The following NOC3L variants were observed in gnomAD, a reference collection of about 807,000 sequenced individuals.
NOC3L encodes nucleolar complex protein 3 homolog.
Under a neutral mutation model 102.5 loss-of-function variants are expected in NOC3L, and 85 were observed. That is an observed-to-expected ratio of 0.83 (90% CI 0.70 to 0.99). The LOEUF (loss-of-function observed/expected upper bound fraction) is 0.99. Ranked by LOEUF, NOC3L falls within the 50% of genes least tolerant of loss-of-function variation. NOC3L has a pLI of 0.00. For synonymous variants in NOC3L, 303 were observed against 309.4 expected, an observed-to-expected ratio of 0.98 and a Z score of 0.22; for missense variants, 878 against 914.9, an observed-to-expected ratio of 0.96 and a Z score of 0.52.
chr10:94,349,703 A>G (rs2134000089), intron 9 of NOC3L, among the ~76,000 whole-genome samples: 1 of 115,584 alleles, frequency 8.7e-6, no homozygotes, highest in Middle Eastern at 3.8e-3. Context: ...AAATAACTTC[A>G]GAAGAATTTT....
chr10:94,325,036 G>GT, the NOC3L span: 3 of 1,614,078 alleles, frequency 1.9e-6, no homozygotes, highest in South Asian at 3.3e-5. Flanking sequence ...GGAGAAACCT[G>GT]TGGGTGGCTT....
At position 94,355,032 on chromosome 10, in the gene NOC3L, CTTCT is replaced by C; in HGVS notation, c.623_626del (p.Lys208ArgfsTer28). ...TATGCATCTTCTTCTCCTGTAATTT[CTTCT>C]TTCTCTCAATCAAATGTTCTTCTAT... On this transcript the variant is annotated frameshift_variant, in exon 6 of 21. Transcript: ENST00000371361. LOFTEE classifies it high-confidence loss of function. 6.2e-7 allele frequency: 1 copy of C among 1,612,968 alleles called. No individual in the cohort carries two copies. The highest frequency in any genetic ancestry group is 8.5e-7 in the Non-Finnish European group (1 of 1,179,474).
chr10:94,346,536 G>A lies in NOC3L; in HGVS notation c.1278C>T (p.Cys426=). ...VRPEMLKTFL[C]LRIKEVEVKK... ...TCACTTCTACTTCCTTGATTCTTAG[G>A]CATAAAAATGTTTTTAACATCTAAT... Residue 426 remains cysteine, a synonymous_variant, in exon 11 of 21, where the codon TGC becomes TGT. Transcript: ENST00000371361. 3 of 1,398,786 alleles carry A rather than the reference G, an allele frequency of 2.1e-6. No individual in the cohort carries two copies. Among genetic ancestry groups the A allele is most frequent in the Middle Eastern group, 3.9e-4 (2 of 5,076 alleles). 86.6% of individuals were successfully genotyped at this position (1,398,786 alleles called of 1,614,324 possible).
Position 94,339,786 on chromosome 10 carries a change from GA to G in NOC3L, c.1914del (p.Pro639GlnfsTer8), listed in dbSNP as rs774429129. On this transcript the variant is annotated frameshift_variant, in exon 17 of 21. Transcript: ENST00000371361. LOFTEE classifies it high-confidence loss of function. ...GCTAAAATGCCAATACTTGAATTTGGAAGAACATGAAGAGCAAGGGTACAAA... is the reference window on the plus strand; with the variant it reads ...GCTAAAATGCCAATACTTGAATTTGGAGAACATGAAGAGCAAGGGTACAAA... ...KRLCTLALHV[L>X]PNSSIGILAT... 6.2e-7 allele frequency: 1 copy of G among 1,613,968 alleles called. No individual in the cohort carries two copies.
intron 9 of NOC3L, among the ~76,000 whole-genome samples, chr10:94,349,904 G>A (rs576419588): frequency 9.2e-5 from 14 of 152,072 alleles, no homozygotes; most frequent in African/African-American, 2.7e-4. Context: ...GACTACAGGC[G>A]CCTGCCACCA....
At chr10:94,329,742 C>T (rs766634074), downstream of NOC3L, 4 of 137,340 alleles carry the variant, frequency 2.9e-5, no homozygotes, top group Admixed American at 8.4e-5. Context: ...CGCACCACCA[C>T]GCTCCAGCCT....
In NOC3L at chr10:94,348,242, A is replaced by G. The variant is rs988339820; in HGVS notation, c.1257+1008T>C. On this transcript the variant is annotated intron_variant, in intron 10 of 20. Transcript: ENST00000371361. ...TACAAAGATGTCAAATGGTTTAAAT[A>G]TTTAAATATAAAAATTAAAATTAAA... is the stretch of plus-strand genomic sequence containing the variant. Among the ~76,000 whole-genome samples the G allele has an allele frequency of 2.0e-5, 3 of 151,166 alleles. No individual in the cohort carries two copies. The East Asian group carries it at 5.8e-4, about 29-fold the overall frequency.
In NOC3L at chr10:94,341,503, C is replaced by T. The variant is rs111889098; in HGVS notation, c.1644+170G>A. Among the ~76,000 whole-genome samples the T allele has an allele frequency of 2.4e-3, 370 of 151,190 alleles. 1 individual carries two copies. Among genetic ancestry groups the T allele is most frequent in the African/African-American group, 8.6e-3 (355 of 41,268 alleles). On this transcript the variant is annotated intron_variant, in intron 14 of 20. Transcript: ENST00000371361. ...CTCTCCAATGGTTGAAAACGTTCTA[C>T]ATCTTGACTGTGGTGGTAATCATAT... is the stretch of plus-strand genomic sequence containing the variant.
At position 94,355,041 on chromosome 10, in the gene NOC3L, C is replaced by T. The variant is rs1227294154; in HGVS notation, c.618G>A (p.Glu206=). 1 of 1,612,844 alleles carries T rather than the reference C, an allele frequency of 6.2e-7. No homozygotes were observed. Among genetic ancestry groups the T allele is most frequent in the Admixed American group, 1.7e-5 (1 of 60,010 alleles). The change falls in exon 6 of 21, where the codon GAG becomes GAA. Residue 206 remains glutamate (E), a synonymous_variant. Coordinates refer to ENST00000371361, the MANE Select transcript of NOC3L (RefSeq NM_022451.11). ...QELTIEEHLI[E]RKKKLQEKKM... ...TCTTCTCCTGTAATTTCTTCTTTCT[C>T]TCAATCAAATGTTCTTCTATGGTCA...
At chr10:94,344,719 G>T in intron 12 of NOC3L, 134 bp downstream of exon 12, 1 of 714,318 alleles carries the variant, frequency 1.4e-6, no homozygotes, top group Non-Finnish European at 2.3e-6. Context: ...ACAGTTTCCC[G>T]CACATCACAA....
At chr10:94,335,302 T>C (rs2054206099) in intron 19 of NOC3L, among the ~76,000 whole-genome samples, 1 of 152,162 alleles carries the variant, frequency 6.6e-6, no homozygotes, top group Non-Finnish European at 1.5e-5. Flanking sequence ...TGAGTCTCCT[T>C]TCTTAAGCCT....
the NOC3L span, chr10:94,325,333 G>A: frequency 8.3e-5 from 36 of 435,100 alleles, no homozygotes; most frequent in Admixed American, 4.5e-4. Context: ...GCGTGGTGGC[G>A]CATGCCTGTA....
At chr10:94,361,930 A>G (rs775119756) in intron 1 of NOC3L, 58 bp from the exon 2 acceptor site, 3 of 1,238,432 alleles carry the variant, frequency 2.4e-6, no homozygotes, top group Admixed American at 1.9e-5. Flanking sequence ...AAATCAGGTT[A>G]AAGAGAACTG....
At chr10:94,316,494 ATTTGT>A in the NOC3L span, 3,197 of 1,142,702 alleles carry the variant, frequency 2.8e-3, 28 homozygotes, top group African/African-American at 0.03. Flanking sequence ...ATGAAAGTTG[ATTTGT>A]TTTAAGTTTT....
intron 13 of NOC3L, among the ~76,000 whole-genome samples, chr10:94,343,013 T>G (rs2054303490): frequency 6.6e-6 from 1 of 150,788 alleles, no homozygotes; most frequent in Middle Eastern, 3.2e-3. Flanking sequence ...GAACCTGGGA[T>G]GTGGAGGTTG....
chr10:94,323,915 C>T, the NOC3L span, among the ~76,000 whole-genome samples: 2 of 152,166 alleles, frequency 1.3e-5, no homozygotes, highest in Non-Finnish European at 2.9e-5. Context: ...TTTCAACATC[C>T]AAGACTCTGT....
chr10:94,342,882 C>T (rs532982572), intron 13 of NOC3L, among the ~76,000 whole-genome samples: 3 of 151,922 alleles, frequency 2.0e-5, no homozygotes, highest in Admixed American at 2.0e-4. Flanking sequence ...GTCAGGAGTT[C>T]GAGACCAGCC....
chr10:94,344,074 T>C (rs1214323649), intron 13 of NOC3L, among the ~76,000 whole-genome samples: 1 of 152,156 alleles, frequency 6.6e-6, no homozygotes, highest in African/African-American at 2.4e-5. Flanking sequence ...CGGGTTAAAA[T>C]AGACTTAAGA....
chr10:94,360,817 T>C (rs1427722974), intron 2 of NOC3L, among the ~76,000 whole-genome samples: 1 of 151,714 alleles, frequency 6.6e-6, no homozygotes, highest in East Asian at 1.9e-4. Flanking sequence ...ATCCCATAAA[T>C]ATATACACCT....
Sources: allele counts gnomAD v4.1 joint callset (sites outside exome capture counted in the v4.1 genomes callset), GRCh38; gene constraint gnomAD v4.1.1; transcripts MANE v1.5; gene names NCBI Gene and HGNC (gene_info 2026-07-23, HGNC 2026-07-21).